Variants in CCDC102B observed in about 807,000 individuals in gnomAD.
CCDC102B encodes coiled-coil domain-containing protein 102B.
Under a neutral mutation model 57.4 loss-of-function variants are expected in CCDC102B, and 75 were observed. The ratio of observed to expected loss-of-function variants is 1.31; its 90% CI spans 1.08 to 1.58. The LOEUF is 1.58. Ranked by LOEUF, CCDC102B falls within the 40% of genes most tolerant of loss-of-function variation. CCDC102B has a pLI of 0.00. For synonymous variants in CCDC102B, 206 were observed against 201.9 expected, an observed-to-expected ratio of 1.02 and a Z score of -0.17; for missense variants, 636 against 582.6, an observed-to-expected ratio of 1.09 and a Z score of -0.94.
chr18:69,039,886 T>A (rs1338304896), intron 7 of CCDC102B, among the ~76,000 whole-genome samples: 1 of 151,000 alleles, frequency 6.6e-6, no homozygotes, highest in South Asian at 2.1e-4. Context: ...TTACTATATG[T>A]TATGTAATGT....
chr18:68,992,362 A>G (rs985396355), intron 6 of CCDC102B, among the ~76,000 whole-genome samples: 1 of 152,156 alleles, frequency 6.6e-6, no homozygotes, highest in African/African-American at 2.4e-5. Context: ...GGTGAGAGTC[A>G]TCTCTTAAGT....
rs2036214847 is a variant in CCDC102B at position 68,810,680 on chromosome 18, G to GGT, written c.-16+12499_-16+12500insGT. Among the ~76,000 whole-genome samples the GGT allele has an allele frequency of 2.6e-5, 2 of 77,042 alleles. 1 individual carries two copies. The highest frequency in any genetic ancestry group is 4.8e-5 in the Non-Finnish European group (2 of 41,536). 50.5% of individuals were successfully genotyped at this position (77,042 alleles called of 152,430 possible). ...TGAAAAATTTTCTTTTCTTTTCTTT[G>GGT]TTTTTTTTTTTTTTTTTTTTTTTTT... On this transcript the variant is annotated intron_variant, in intron 1 of 7. Transcript: ENST00000360242.
chr18:68,890,443 T>C (rs1486852317), intron 5 of CCDC102B, among the ~76,000 whole-genome samples: 1 of 152,194 alleles, frequency 6.6e-6, no homozygotes, highest in Admixed American at 6.5e-5. Context: ...CCTAGGCTGC[T>C]TAAATTCCTG....
chr18:68,947,288 A>T (rs565869397), intron 6 of CCDC102B, among the ~76,000 whole-genome samples: 1 of 152,154 alleles, frequency 6.6e-6, no homozygotes, highest in Non-Finnish European at 1.5e-5. Context: ...TGATTAAGTG[A>T]CAGAGTAACT....
At chr18:68,877,370 C>T (rs1377047579) in intron 5 of CCDC102B, among the ~76,000 whole-genome samples, 3 of 152,186 alleles carry the variant, frequency 2.0e-5, no homozygotes, top group Non-Finnish European at 4.4e-5. Flanking sequence ...TAGTGTTTAA[C>T]ACCTTCAAGC....
chr18:68,787,196 T>G (rs1268831511), intron 2 of CCDC102B, among the ~76,000 whole-genome samples: 12 of 150,872 alleles, frequency 8.0e-5, no homozygotes, highest in Non-Finnish European at 5.9e-5. Flanking sequence ...TCATGGTGGA[T>G]AAGCTTTTTG....
chr18:68,878,625 G>A (rs764211208), intron 5 of CCDC102B, among the ~76,000 whole-genome samples: 1 of 152,154 alleles, frequency 6.6e-6, no homozygotes, highest in Non-Finnish European at 1.5e-5. Flanking sequence ...AGAAAGTGCT[G>A]TGTATGAACC....
At chr18:68,880,793 G>A (rs963256212) in intron 5 of CCDC102B, among the ~76,000 whole-genome samples, 1 of 152,172 alleles carries the variant, frequency 6.6e-6, no homozygotes, top group Admixed American at 6.5e-5. Flanking sequence ...AATATGGCTT[G>A]ATGTACTTTT....
At chr18:68,975,021 C>T (rs1226118276) in intron 6 of CCDC102B, among the ~76,000 whole-genome samples, 3 of 151,840 alleles carry the variant, frequency 2.0e-5, no homozygotes, top group African/African-American at 7.3e-5. Context: ...CTAAATGCTA[C>T]AAGAAATCCC....
intron 1 of CCDC102B, among the ~76,000 whole-genome samples, chr18:68,807,953 G>GC (rs1221626774): frequency 6.6e-6 from 1 of 152,084 alleles, no homozygotes; most frequent in African/African-American, 2.4e-5. Flanking sequence ...GAAAATATGA[G>GC]CAGGGATGAA....
intron 5 of CCDC102B, among the ~76,000 whole-genome samples, chr18:68,882,453 A>G (rs970024716): frequency 3.9e-5 from 6 of 152,242 alleles, no homozygotes; most frequent in East Asian, 1.9e-4. Flanking sequence ...CTCTGCATTT[A>G]AAAGGATTGA....
chr18:69,037,487 G>C (rs1327220093), intron 7 of CCDC102B, among the ~76,000 whole-genome samples: 1 of 151,986 alleles, frequency 6.6e-6, no homozygotes, highest in South Asian at 2.1e-4. Context: ...TCTCTTCCAA[G>C]TGTGTTCCAA....
chr18:68,950,796 T>A (rs1028326473), intron 6 of CCDC102B, among the ~76,000 whole-genome samples: 3 of 152,170 alleles, frequency 2.0e-5, no homozygotes, highest in Non-Finnish European at 2.9e-5. Context: ...TAATTCTAGA[T>A]TTACTGATTT....
chr18:68,935,636 C>T lies in CCDC102B; in HGVS notation c.1263+38208C>T, dbSNP rs113505229. ...TATAATGTTGGTTTAAGCTGTGAAACGGGAAGAAATACCCAGATGAACACG... is the reference window on the plus strand; with the variant it reads ...TATAATGTTGGTTTAAGCTGTGAAATGGGAAGAAATACCCAGATGAACACG... On this transcript the variant is annotated intron_variant, in intron 6 of 7. Coordinates refer to ENST00000360242, the MANE Select transcript of CCDC102B (RefSeq NM_024781.3). 2.9e-3 allele frequency among the ~76,000 whole-genome samples: 447 copies of T among 151,936 alleles called. 3 individuals are homozygous for T. The highest frequency in any genetic ancestry group is 3.4e-3 in the Middle Eastern group (1 of 294).
intron 6 of CCDC102B, among the ~76,000 whole-genome samples, chr18:68,925,251 G>C (rs966766508): frequency 2.6e-5 from 4 of 151,972 alleles, no homozygotes; most frequent in Non-Finnish European, 5.9e-5. Context: ...AGTATCAGTT[G>C]GAGAGATGAT....
chr18:68,728,924 C>T (rs1345948391), intron 2 of CCDC102B, among the ~76,000 whole-genome samples: 1 of 150,918 alleles, frequency 6.6e-6, no homozygotes, highest in African/African-American at 2.5e-5. Flanking sequence ...ATGGATAAGG[C>T]ACCATATATT....
intron 7 of CCDC102B, among the ~76,000 whole-genome samples, chr18:69,035,670 C>G (rs1176160571): frequency 1.3e-5 from 2 of 152,000 alleles, no homozygotes; most frequent in African/African-American, 4.8e-5. Flanking sequence ...ATTGGTTTTA[C>G]TGAAGTTTTT....
At chr18:68,994,319 A>T (rs1434671342) in intron 6 of CCDC102B, among the ~76,000 whole-genome samples, 1 of 152,132 alleles carries the variant, frequency 6.6e-6, no homozygotes, top group East Asian at 1.9e-4. Flanking sequence ...GTAAATATTC[A>T]TTGCATGTTG....
At chr18:68,954,415 G>A (rs577382950) in intron 6 of CCDC102B, among the ~76,000 whole-genome samples, 4 of 152,212 alleles carry the variant, frequency 2.6e-5, no homozygotes, top group East Asian at 1.9e-4. Flanking sequence ...GTGAGACTCC[G>A]TCTCAAAAAG....
Sources: allele counts gnomAD v4.1 joint callset (sites outside exome capture counted in the v4.1 genomes callset), GRCh38; gene constraint gnomAD v4.1.1; transcripts MANE v1.5; gene names NCBI Gene and HGNC (gene_info 2026-07-23, HGNC 2026-07-21).